FAM135B: variants seen among roughly 807,000 people sequenced by gnomAD.
The protein encoded by FAM135B is protein FAM135B.
A neutral mutation model predicts 127.7 loss-of-function variants in FAM135B; 43 were observed. The observed-to-expected ratio is 0.34, with a 90% confidence interval of 0.26 to 0.43. The LOEUF (loss-of-function observed/expected upper bound fraction) is 0.43, where lower values mean the gene tolerates loss of function less well. FAM135B is among the 20% of genes least tolerant of loss of function. FAM135B has a pLI of 1.00. For missense variants in FAM135B, 1,558 were observed against 1,725.6 expected (o/e 0.90, Z 1.72); for synonymous variants, 670 against 665.1 (o/e 1.01, Z -0.11).
At chr8:138,424,458 G>C (rs1834722647) in intron 1 of FAM135B, among the ~76,000 whole-genome samples, 1 of 152,134 alleles carries the variant, frequency 6.6e-6, no homozygotes, top group Non-Finnish European at 1.5e-5. Context: ...TACCTTCTTA[G>C]ATTCTAGCAC....
chr8:138,408,156 G>A (rs914575852), intron 1 of FAM135B, among the ~76,000 whole-genome samples: 1 of 152,160 alleles, frequency 6.6e-6, no homozygotes, highest in Admixed American at 6.5e-5. Flanking sequence ...AACAAAAGAC[G>A]TCAGCCTTGG....
intron 1 of FAM135B, among the ~76,000 whole-genome samples, chr8:138,492,373 C>G (rs1257047776): frequency 1.3e-5 from 2 of 152,112 alleles, no homozygotes; most frequent in Non-Finnish European, 2.9e-5. Flanking sequence ...CACACTATTT[C>G]TTCTCTGTCC....
At chr8:138,210,759 A>T (rs1479888556) in intron 7 of FAM135B, among the ~76,000 whole-genome samples, 1 of 152,186 alleles carries the variant, frequency 6.6e-6, no homozygotes, top group African/African-American at 2.4e-5. Flanking sequence ...GAGTCAAACG[A>T]TATCAATAGG....
chr8:138,137,024 A>G (rs949056823), intron 19 of FAM135B, 123 bp downstream of exon 19: 2 of 646,332 alleles, frequency 3.1e-6, no homozygotes, highest in Non-Finnish European at 5.6e-6. Context: ...TCCTATCACT[A>G]AGCTAAGATA....
chr8:138,212,532 G>A (rs1818223767), intron 7 of FAM135B, among the ~76,000 whole-genome samples: 1 of 152,190 alleles, frequency 6.6e-6, no homozygotes. Flanking sequence ...CAGATGATAT[G>A]CATAGGCTAT....
chr8:138,208,719 T>C (rs1817904741), intron 7 of FAM135B, among the ~76,000 whole-genome samples: 1 of 152,194 alleles, frequency 6.6e-6, no homozygotes, highest in Non-Finnish European at 1.5e-5. Flanking sequence ...TTTGCCATCA[T>C]AAAGCATGAC....
chr8:138,481,203 C>A (rs1307264005), intron 1 of FAM135B, among the ~76,000 whole-genome samples: 1 of 152,196 alleles, frequency 6.6e-6, no homozygotes, highest in Non-Finnish European at 1.5e-5. Flanking sequence ...AATAAATATT[C>A]TTTCTCAATT....
At chr8:138,473,785 CTTA>C (rs934828995) in intron 1 of FAM135B, among the ~76,000 whole-genome samples, 1 of 152,000 alleles carries the variant, frequency 6.6e-6, no homozygotes, top group Non-Finnish European at 1.5e-5. Flanking sequence ...TTGTTCGTGA[CTTA>C]TTGATAGTCA....
At chr8:138,318,058 G>A (rs1233040904) in intron 2 of FAM135B, among the ~76,000 whole-genome samples, 1 of 152,216 alleles carries the variant, frequency 6.6e-6, no homozygotes, top group African/African-American at 2.4e-5. Context: ...CAATGGCAAT[G>A]ACAACAGCAA....
At chr8:138,334,009 G>A (rs1339144483) in intron 2 of FAM135B, among the ~76,000 whole-genome samples, 1 of 152,156 alleles carries the variant, frequency 6.6e-6, no homozygotes, top group African/African-American at 2.4e-5. Context: ...TGCAACATCT[G>A]CCTCCCAGGT....
intron 7 of FAM135B, among the ~76,000 whole-genome samples, chr8:138,211,079 G>A (rs11166798): frequency 0.12 from 18,192 of 152,056 alleles, 1,376 homozygotes; most frequent in East Asian, 0.37. Flanking sequence ...AAGATGCTCC[G>A]TGCTAATGTT....
Position 138,147,456 on chromosome 8 carries a change from C to T in FAM135B, c.3448+1064G>A, listed in dbSNP as rs188043165. 6.6e-5 allele frequency among the ~76,000 whole-genome samples: 10 copies of T among 152,154 alleles called. No individual in the cohort carries two copies. The East Asian group carries it at 9.7e-4, about 15-fold the overall frequency. On this transcript the variant is annotated intron_variant, in intron 14 of 19. Coordinates refer to ENST00000395297, the MANE Select transcript of FAM135B (RefSeq NM_015912.4). ...TAAACTGAGAACATTTATAAGAATA[C>T]GAATCTTGAGGTTTTTGTACAACAT...
rs539545022 is a variant in FAM135B at position 138,133,151 on chromosome 8, A to G, written c.4016-353T>C. ...GAGGACCCTCAGAGTTTCAAGTTCT[A>G]TTTCAGGGGATCTTGGGGGTTGGAA... is the stretch of plus-strand genomic sequence containing the variant. On this transcript the variant is annotated intron_variant, in intron 19 of 19. Transcript: ENST00000395297. 9.2e-5 allele frequency among the ~76,000 whole-genome samples: 14 copies of G among 152,242 alleles called. 1 individual carries two copies. The South Asian group carries it at 1.0e-3, about 11-fold the overall frequency.
intron 6 of FAM135B, among the ~76,000 whole-genome samples, chr8:138,249,604 C>T (rs746506545): frequency 7.2e-5 from 11 of 152,124 alleles, no homozygotes; most frequent in Non-Finnish European, 1.3e-4. Flanking sequence ...CTGGATCACA[C>T]CTTCAGGGGC....
intron 4 of FAM135B, among the ~76,000 whole-genome samples, chr8:138,263,395 G>C (rs1822688201): frequency 6.6e-6 from 1 of 152,084 alleles, no homozygotes; most frequent in South Asian, 2.1e-4. Context: ...GCTCTCATAG[G>C]CTGAACTCAA....
At chr8:138,406,271 C>T (rs894417402) in intron 1 of FAM135B, among the ~76,000 whole-genome samples, 1 of 152,074 alleles carries the variant, frequency 6.6e-6, no homozygotes, top group Non-Finnish European at 1.5e-5. Flanking sequence ...TAATCAATAG[C>T]TTACCAACCA....
At chr8:138,357,147 C>G (rs1280247801) in intron 2 of FAM135B, among the ~76,000 whole-genome samples, 1 of 151,772 alleles carries the variant, frequency 6.6e-6, no homozygotes, top group Non-Finnish European at 1.5e-5. Flanking sequence ...GAATAGTTTC[C>G]TAAAGAAAAA....
intron 1 of FAM135B, among the ~76,000 whole-genome samples, chr8:138,403,714 G>A (rs560496300): frequency 6.6e-6 from 1 of 152,198 alleles, no homozygotes; most frequent in Non-Finnish European, 1.5e-5. Context: ...CACATTCTGT[G>A]CCTCTTCTGA....
chr8:138,471,679 C>T (rs528565407), intron 1 of FAM135B, among the ~76,000 whole-genome samples: 2 of 152,054 alleles, frequency 1.3e-5, no homozygotes, highest in Non-Finnish European at 2.9e-5. Context: ...GAAATGCAAG[C>T]ACAATTTAAA....
Sources: gnomAD v4.1 joint callset for allele counts (sites outside exome capture counted in the v4.1 genomes callset) on GRCh38, gnomAD v4.1.1 for gene constraint, MANE v1.5 for transcripts, NCBI Gene and HGNC (gene_info 2026-07-23, HGNC 2026-07-21) for gene names.